Variants in DLG2 observed in about 807,000 individuals in gnomAD.
DLG2 encodes the protein disks large homolog 2.
A neutral mutation model predicts 132.5 loss-of-function variants in DLG2; 45 were observed. That is an observed-to-expected ratio of 0.34 (90% confidence interval 0.27 to 0.44). The LOEUF (loss-of-function observed/expected upper bound fraction) is 0.44. DLG2 is among the 20% of genes least tolerant of loss of function. The pLI is 1.00. For missense variants in DLG2, 1,045 were observed against 1,196.9 expected, an observed-to-expected ratio of 0.87 and a Z score of 1.87; for synonymous variants, 424 against 419.6, an observed-to-expected ratio of 1.01 and a Z score of -0.13.
intron 3 of DLG2, among the ~76,000 whole-genome samples, chr11:85,430,818 G>T: frequency 7.0e-6 from 1 of 143,334 alleles, no homozygotes; most frequent in East Asian, 2.0e-4. Flanking sequence ...TCATTGTCGT[G>T]AGTTTTTTCT....
chr11:84,221,050 T>C (rs1006106591), intron 8 of DLG2, among the ~76,000 whole-genome samples: 1 of 151,414 alleles, frequency 6.6e-6, no homozygotes, highest in African/African-American at 2.4e-5. Flanking sequence ...GTGATCCACC[T>C]GCCTCAACCT....
chr11:84,248,393 A>G (rs555211457), intron 8 of DLG2, among the ~76,000 whole-genome samples: 121 of 152,246 alleles, frequency 7.9e-4, no homozygotes, highest in African/African-American at 2.8e-3. Context: ...TGAGGCAGGT[A>G]TTATAAGTCC....
chr11:84,042,581 C>T (rs1316789767), intron 11 of DLG2, among the ~76,000 whole-genome samples: 1 of 151,696 alleles, frequency 6.6e-6, no homozygotes, highest in Non-Finnish European at 1.5e-5. Flanking sequence ...TTGAAAGTTA[C>T]CTTTATATAG....
At chr11:84,100,708 A>T (rs528851064) in intron 9 of DLG2, among the ~76,000 whole-genome samples, 1 of 152,194 alleles carries the variant, frequency 6.6e-6, no homozygotes, top group Non-Finnish European at 1.5e-5. Context: ...GTAAAAAGAG[A>T]TGAGGACTAT....
chr11:84,814,426 CA>C (rs2076886156), intron 6 of DLG2, among the ~76,000 whole-genome samples: 1 of 152,040 alleles, frequency 6.6e-6, no homozygotes, highest in Non-Finnish European at 1.5e-5. Flanking sequence ...CAATCCAAAA[CA>C]GAAATCTCAC....
At chr11:83,479,651 G>A (rs1046147640) in intron 22 of DLG2, among the ~76,000 whole-genome samples, 1 of 152,072 alleles carries the variant, frequency 6.6e-6, no homozygotes, top group African/African-American at 2.4e-5. Context: ...GTGTTTGGTG[G>A]ATAGTTTCAT....
chr11:84,676,806 A>G (rs554866973), intron 6 of DLG2, among the ~76,000 whole-genome samples: 120 of 152,190 alleles, frequency 7.9e-4, no homozygotes, highest in African/African-American at 2.7e-3. Context: ...TGCTCAAAGA[A>G]ATATAGACTT....
chr11:85,305,573 C>T (rs1348735977), intron 3 of DLG2, among the ~76,000 whole-genome samples: 2 of 151,998 alleles, frequency 1.3e-5, no homozygotes, highest in African/African-American at 4.8e-5. Context: ...AGTGCAGTGG[C>T]GCGATCTCGG....
At chr11:83,637,294 A>G (rs1183753208) in intron 18 of DLG2, among the ~76,000 whole-genome samples, 1 of 152,196 alleles carries the variant, frequency 6.6e-6, no homozygotes, top group East Asian at 1.9e-4. Context: ...AGTCAAATTC[A>G]TAACACTGTC....
chr11:84,313,702 C>T (rs1005452086), intron 7 of DLG2, among the ~76,000 whole-genome samples: 13 of 110,100 alleles, frequency 1.2e-4, no homozygotes, highest in African/African-American at 2.7e-4. Flanking sequence ...AAAGAGGATA[C>T]GAAAGGAAAG....
At chr11:85,448,373 T>C (rs1417071015) in intron 3 of DLG2, among the ~76,000 whole-genome samples, 1 of 152,132 alleles carries the variant, frequency 6.6e-6, no homozygotes, top group East Asian at 1.9e-4. Context: ...GACCTTGAGA[T>C]AAGATTTGGG....
At chr11:84,913,966 C>T (rs948544302) in intron 6 of DLG2, among the ~76,000 whole-genome samples, 1 of 152,140 alleles carries the variant, frequency 6.6e-6, no homozygotes, top group African/African-American at 2.4e-5. Context: ...TCCCTTACTC[C>T]CTCCCATCCA....
intron 5 of DLG2, among the ~76,000 whole-genome samples, chr11:85,122,982 T>TATATATATATATATATATATATA (rs1271959521): frequency 1.9e-4 from 6 of 31,922 alleles, no homozygotes; most frequent in South Asian, 7.9e-4. Context: ...TTTTTTTTTT[T>TATATATATATATATATATATATA]TTTTTTTTTT....
intron 18 of DLG2, among the ~76,000 whole-genome samples, chr11:83,718,370 C>T (rs912666958): frequency 3.3e-5 from 5 of 151,848 alleles, no homozygotes; most frequent in African/African-American, 7.3e-5. Context: ...AACTCTGTCT[C>T]TACTAAAAAT....
chr11:84,703,067 C>T (rs1484745998), intron 6 of DLG2, among the ~76,000 whole-genome samples: 2 of 151,498 alleles, frequency 1.3e-5, no homozygotes, highest in Non-Finnish European at 3.0e-5. Flanking sequence ...TAAAAAGTTT[C>T]ACCAAAAATT....
intron 7 of DLG2, chr11:84,273,177 G>C: frequency 6.4e-7 from 1 of 1,563,144 alleles, no homozygotes; most frequent in Non-Finnish European, 8.6e-7. Flanking sequence ...TGCATAGCTT[G>C]TTCACATTGT....
chr11:85,609,693 G>A (rs1338558171), intron 2 of DLG2, among the ~76,000 whole-genome samples: 1 of 152,118 alleles, frequency 6.6e-6, no homozygotes, highest in Non-Finnish European at 1.5e-5. Flanking sequence ...GAGGGTGCCT[G>A]GGGCAAGCAC....
intron 7 of DLG2, among the ~76,000 whole-genome samples, chr11:84,299,712 A>T (rs1224170814): frequency 1.3e-5 from 2 of 152,158 alleles, no homozygotes; most frequent in African/African-American, 4.8e-5. Context: ...TCCATAGGGA[A>T]CTCCCAATTA....
intron 3 of DLG2, among the ~76,000 whole-genome samples, chr11:85,513,895 C>G (rs1293819736): frequency 6.6e-6 from 1 of 151,944 alleles, no homozygotes; most frequent in Non-Finnish European, 1.5e-5. Context: ...CTATTAATTA[C>G]CTTTCTAAAT....
Sources: gnomAD v4.1 joint callset for allele counts (sites outside exome capture counted in the v4.1 genomes callset) on GRCh38, gnomAD v4.1.1 for gene constraint, MANE v1.5 for transcripts, NCBI Gene and HGNC (gene_info 2026-07-23, HGNC 2026-07-21) for gene names.